ARHGEF28: variants seen among roughly 807,000 people sequenced by gnomAD.
ARHGEF28 encodes Rho guanine nucleotide exchange factor 28.
Under a neutral mutation model 206.6 loss-of-function variants are expected in ARHGEF28, and 152 were observed. The observed-to-expected ratio is 0.74, with a 90% CI of 0.64 to 0.84. The LOEUF (loss-of-function observed/expected upper bound fraction) is 0.84. Among genes scored for constraint, ARHGEF28 ranks in the 40% least tolerant of loss-of-function variants. The probability of loss-of-function intolerance (pLI) is 0.00; values close to 1 mark genes in which losing one functional copy is unlikely to be tolerated. For synonymous variants in ARHGEF28, 763 were observed against 776.4 expected (o/e 0.98, Z 0.29); for missense variants, 2,028 against 2,073.2 (o/e 0.98, Z 0.42).
chr5:73,780,593 G>A, intron 6 of ARHGEF28, 83 bp from the exon 7 acceptor site: 1 of 1,365,612 alleles, frequency 7.3e-7, no homozygotes, highest in Non-Finnish European at 1.0e-6. Context: ...CATTGATAGT[G>A]ACTTTTGCCT....
At chr5:73,882,447 C>A in intron 22 of ARHGEF28, 25 bp from the exon 23 acceptor site, 2 of 1,362,468 alleles carry the variant, frequency 1.5e-6, no homozygotes, top group Non-Finnish European at 9.8e-7. Flanking sequence ...ATTTACAAAC[C>A]ATTATTTAAA....
chr5:73,740,014 A>G (rs2112371743), intron 2 of ARHGEF28, among the ~76,000 whole-genome samples: 1 of 150,012 alleles, frequency 6.7e-6, no homozygotes, highest in Non-Finnish European at 1.5e-5. Context: ...ACCAAAAAAA[A>G]AAAAAAAATT....
Position 73,832,473 on chromosome 5 carries a change from G to T in ARHGEF28, c.1146+14G>T. On this transcript the variant is annotated intron_variant, in intron 10 of 35. Transcript: ENST00000513042. ...GTGATTGATCAGGTAAGGCCCAACT[G>T]ACATTACAGGATGATTTCTACCTCT... The T allele has an allele frequency of 1.2e-6, 2 of 1,609,142 alleles. No individual in the cohort carries two copies. Among genetic ancestry groups the T allele is most frequent in the South Asian group, 2.2e-5 (2 of 89,708 alleles).
intron 1 of ARHGEF28, among the ~76,000 whole-genome samples, chr5:73,655,498 G>A (rs745307246): frequency 5.3e-5 from 8 of 152,054 alleles, no homozygotes; most frequent in Admixed American, 1.3e-4. Context: ...TTTCCAGTGG[G>A]GTTTGTAAGA....
intron 2 of ARHGEF28, among the ~76,000 whole-genome samples, chr5:73,742,040 A>G (rs920653063): frequency 6.6e-6 from 1 of 152,114 alleles, no homozygotes; most frequent in Non-Finnish European, 1.5e-5. Flanking sequence ...ATCTTCTTCA[A>G]CTGACTCTTT....
intron 35 of ARHGEF28, among the ~76,000 whole-genome samples, chr5:73,935,606 A>T (rs1027819610): frequency 6.6e-6 from 1 of 152,214 alleles, no homozygotes; most frequent in Non-Finnish European, 1.5e-5. Context: ...TCAGGAAATG[A>T]TTTTTTAAAT....
In ARHGEF28 at chr5:73,909,831, G is replaced by A. The variant is rs764235442; in HGVS notation, c.4581G>A (p.Leu1527=). 1 of 1,540,224 alleles carries A rather than the reference G, an allele frequency of 6.5e-7. No homozygotes were observed. The highest frequency in any genetic ancestry group is 2.0e-5 in the Admixed American group (1 of 48,884). Residue 1527 remains leucine, a synonymous_variant, in exon 34 of 36, where the codon CTG becomes CTA. Coordinates refer to ENST00000513042, the MANE Select transcript of ARHGEF28 (RefSeq NM_001177693.2). ...EQARMRAQQS[L]LGHWKHGRQR... The stretch of plus-strand genomic sequence containing the variant: ...CGAGGATGCGGGCCCAGCAGAGCCT[G>A]CTGGGCCACTGGAAGCACGGCCGGC...
At chr5:73,663,190 A>C (rs1363616950) in intron 1 of ARHGEF28, among the ~76,000 whole-genome samples, 1 of 152,168 alleles carries the variant, frequency 6.6e-6, no homozygotes, top group Non-Finnish European at 1.5e-5. Flanking sequence ...TCCTGATCTC[A>C]GATGATCCGC....
chr5:73,894,722 A>T (rs1761857987), intron 29 of ARHGEF28, 147 bp downstream of exon 29: 1 of 987,058 alleles, frequency 1.0e-6, no homozygotes, highest in African/African-American at 1.6e-5. Flanking sequence ...TATTTCTAGA[A>T]ATAGCCAAAT....
intron 11 of ARHGEF28, among the ~76,000 whole-genome samples, chr5:73,845,355 A>C (rs1758270289): frequency 6.6e-6 from 1 of 152,124 alleles, no homozygotes; most frequent in Non-Finnish European, 1.5e-5. Flanking sequence ...ATGATCATTT[A>C]GTATGACATG....
chr5:73,820,564 G>A (rs1339840537), intron 9 of ARHGEF28, among the ~76,000 whole-genome samples: 1 of 152,150 alleles, frequency 6.6e-6, no homozygotes, highest in Non-Finnish European at 1.5e-5. Context: ...TGTGGTGCTA[G>A]TCAGGACCTG....
intron 1 of ARHGEF28, among the ~76,000 whole-genome samples, chr5:73,627,938 G>A (rs1325273814): frequency 1.3e-5 from 2 of 152,102 alleles, no homozygotes; most frequent in African/African-American, 4.8e-5. Context: ...CTAAGAACAG[G>A]TTGTATAGCA....
rs140538794 is a variant in ARHGEF28, at chr5:73,889,963, C to T, written c.3388-2089C>T. Among the ~76,000 whole-genome samples the T allele has an allele frequency of 3.8e-3, 585 of 152,312 alleles. 5 individuals are homozygous for T. Among genetic ancestry groups the T allele is most frequent in the African/African-American group, 0.013 (553 of 41,568 alleles). On this transcript the variant is annotated intron_variant, in intron 26 of 35. Transcript: ENST00000513042. ...AGTGAAATCCTCTAGTATTTAAATGCTGAGAACTGATTTTTAAACTTTGTT... is the reference window on the plus strand; with the variant it reads ...AGTGAAATCCTCTAGTATTTAAATGTTGAGAACTGATTTTTAAACTTTGTT...
chr5:73,820,738 A>G (rs534642974), intron 9 of ARHGEF28, among the ~76,000 whole-genome samples: 2 of 152,268 alleles, frequency 1.3e-5, no homozygotes, highest in East Asian at 3.9e-4. Context: ...GGCAGGCCAC[A>G]GGTGCTCAAT....
At chr5:73,915,344 A>G (rs1293345740) in intron 35 of ARHGEF28, among the ~76,000 whole-genome samples, 8 of 152,170 alleles carry the variant, frequency 5.3e-5, no homozygotes, top group Non-Finnish European at 8.8e-5. Context: ...CTAATAATAA[A>G]CCCATGTTAT....
intron 9 of ARHGEF28, among the ~76,000 whole-genome samples, chr5:73,796,258 G>A (rs1178810167): frequency 6.6e-6 from 1 of 152,216 alleles, no homozygotes; most frequent in African/African-American, 2.4e-5. Flanking sequence ...AACCACTCCA[G>A]TTGGTTTCCT....
chr5:73,627,381 A>C (rs2112106553), intron 1 of ARHGEF28: 1 of 152,338 alleles, frequency 6.6e-6, no homozygotes, highest in East Asian at 1.9e-4. Context: ...TTGTGTTCCT[A>C]GGCCCTGAAG....
intron 22 of ARHGEF28, among the ~76,000 whole-genome samples, chr5:73,881,698 C>A (rs560818462): frequency 6.6e-6 from 1 of 152,262 alleles, no homozygotes; most frequent in East Asian, 1.9e-4. Context: ...TTCAAGGGGA[C>A]GTGTGCATGT....
chr5:73,930,819 A>G (rs1013252367), intron 35 of ARHGEF28, among the ~76,000 whole-genome samples: 2 of 151,888 alleles, frequency 1.3e-5, no homozygotes, highest in Admixed American at 1.3e-4. Context: ...TATCCGCTTC[A>G]TTTTCTTTCC....
Sources: gnomAD v4.1 joint callset for allele counts (sites outside exome capture counted in the v4.1 genomes callset) on GRCh38, gnomAD v4.1.1 for gene constraint, MANE v1.5 for transcripts, NCBI Gene and HGNC (gene_info 2026-07-23, HGNC 2026-07-21) for gene names.